Variants in RILPL1 observed in about 807,000 individuals in gnomAD.
RILPL1 encodes the protein RILP-like protein 1.
In RILPL1, 33 loss-of-function variants were observed where a neutral mutation model predicts 50.3. The ratio of observed to expected loss-of-function variants is 0.66; its 90% CI spans 0.50 to 0.88. The LOEUF is 0.88. Ranked by LOEUF, RILPL1 falls within the 40% of genes least tolerant of loss-of-function variation. RILPL1 has a pLI of 0.00. For missense variants in RILPL1, 418 were observed against 542.5 expected (o/e 0.77, Z 2.28); for synonymous variants, 205 against 228.6 (o/e 0.90, Z 0.93).
intron 2 of RILPL1, among the ~76,000 whole-genome samples, chr12:123,521,001 C>A (rs1198888825): frequency 6.6e-6 from 1 of 152,194 alleles, no homozygotes; most frequent in Non-Finnish European, 1.5e-5. Context: ...TTCAGCTGAT[C>A]TGGGTTCACT....
intron 1 of RILPL1, among the ~76,000 whole-genome samples, chr12:123,528,017 T>A (rs1885319921): frequency 6.6e-6 from 1 of 152,158 alleles, no homozygotes; most frequent in Admixed American, 6.5e-5. Context: ...CACATATGCC[T>A]CCATAATACT....
rs758103130 is a variant in RILPL1 at position 123,472,601 on chromosome 12, C to T, written c.1149G>A (p.Trp383Ter). 1.9e-6 allele frequency: 3 copies of T among 1,573,590 alleles called. No individual in the cohort carries two copies. The South Asian group carries it at 3.5e-5, about 18-fold the overall frequency. The change falls in exon 7 of 7, where the codon TGG becomes TGA. Residue 383 changes from tryptophan to a stop codon, truncating the protein, a stop_gained. Coordinates refer to ENST00000376874, the MANE Select transcript of RILPL1 (RefSeq NM_178314.5). LOFTEE classifies it high-confidence loss of function. ...NVHIQESFGQ[W>*]ANTHRDDGYT... ...AACCGTCATCGCGGTGGGTGTTTGC[C>T]CACTGTCCAAAGGACTCCTGGATGT...
intron 2 of RILPL1, among the ~76,000 whole-genome samples, chr12:123,517,669 G>A (rs187078976): frequency 9.2e-5 from 14 of 152,114 alleles, no homozygotes; most frequent in African/African-American, 3.1e-4. Context: ...TGATCCACCC[G>A]CCTCAGCCTC....
chr12:123,514,959 C>T (rs929136394), intron 2 of RILPL1, among the ~76,000 whole-genome samples: 1 of 150,154 alleles, frequency 6.7e-6, no homozygotes, highest in African/African-American at 2.5e-5. Flanking sequence ...GAGACAGGGT[C>T]TTGCTCTGTT....
chr12:123,524,716 T>G, intron 1 of RILPL1, among the ~76,000 whole-genome samples: 1 of 152,196 alleles, frequency 6.6e-6, no homozygotes, highest in East Asian at 1.9e-4. Context: ...ATGTCTAATA[T>G]TGGCAAATCC....
intron 2 of RILPL1, among the ~76,000 whole-genome samples, chr12:123,502,224 A>C (rs78623288): frequency 0.13 from 19,737 of 152,282 alleles, 1,500 homozygotes; most frequent in Non-Finnish European, 0.17. Flanking sequence ...GGGTTACATA[A>C]TTGTTTTGAA....
At chr12:123,497,087 T>C (rs555526220) in intron 4 of RILPL1, among the ~76,000 whole-genome samples, 25 of 152,376 alleles carry the variant, frequency 1.6e-4, no homozygotes, top group Admixed American at 3.9e-4. Context: ...GTGATGTTTT[T>C]GCAGCTCATC....
At chr12:123,492,833 G>A (rs550404150) in intron 4 of RILPL1, among the ~76,000 whole-genome samples, 173 of 147,790 alleles carry the variant, frequency 1.2e-3, no homozygotes, top group African/African-American at 4.3e-3. Context: ...GATTAAGGGC[G>A]GTGCAAGATG....
intron 2 of RILPL1, among the ~76,000 whole-genome samples, chr12:123,512,912 ATG>A (rs1205934395): frequency 4.6e-5 from 3 of 64,576 alleles, no homozygotes; most frequent in Admixed American, 1.7e-4. Context: ...GAGTGCGTGT[ATG>A]TGTGTGGTGA....
intron 2 of RILPL1, chr12:123,519,243 C>T (rs1420799974): frequency 6.6e-6 from 1 of 151,906 alleles, no homozygotes; most frequent in Non-Finnish European, 1.5e-5. Context: ...CCTTTAGAGC[C>T]CAAAGATTTT....
Position 123,533,643 on chromosome 12 carries a change from C to A in RILPL1, c.-161G>T. The A allele has an allele frequency of 3.2e-6, 1 of 315,674 alleles. No individual in the cohort carries two copies. The highest frequency in any genetic ancestry group is 4.5e-6 in the Non-Finnish European group (1 of 220,982). 19.6% of individuals were successfully genotyped at this position (315,674 alleles called of 1,614,324 possible). ...GCGGGCAGCGGGCGGCGGGCGCGGG[C>A]GCGGGCACGGGCGGCGGCGCGGGGT... On this transcript the variant is annotated 5_prime_UTR_variant, in exon 1 of 7. Coordinates refer to ENST00000376874, the MANE Select transcript of RILPL1 (RefSeq NM_178314.5). The surrounding 1 kb of genome is among the most constrained non-coding windows in gnomAD (Gnocchi z 6.2).
chr12:123,527,133 A>G (rs910188500), intron 1 of RILPL1, among the ~76,000 whole-genome samples: 3 of 151,940 alleles, frequency 2.0e-5, no homozygotes, highest in African/African-American at 7.3e-5. Context: ...GAGTTTGAGA[A>G]CAGCCTGGGC....
chr12:123,476,429 A>G (rs1415338662), intron 6 of RILPL1, among the ~76,000 whole-genome samples: 3 of 149,400 alleles, frequency 2.0e-5, no homozygotes, highest in South Asian at 2.1e-4. Flanking sequence ...CAACAAGAGC[A>G]AAACTCCATC....
At chr12:123,483,831 G>A (rs566495102) in intron 6 of RILPL1, among the ~76,000 whole-genome samples, 3 of 152,134 alleles carry the variant, frequency 2.0e-5, no homozygotes, top group Non-Finnish European at 4.4e-5. Flanking sequence ...AGCTTCAGAT[G>A]CACAACCCAC....
chr12:123,530,502 A>G (rs1885407361), intron 1 of RILPL1, among the ~76,000 whole-genome samples: 1 of 152,158 alleles, frequency 6.6e-6, no homozygotes, highest in African/African-American at 2.4e-5. Context: ...GCAAAGCTGC[A>G]TAATATTTCT....
intron 2 of RILPL1, among the ~76,000 whole-genome samples, chr12:123,516,033 C>CAAAAAAAAAAAAAAAAAAAAA (rs749657516): frequency 2.2e-4 from 8 of 36,194 alleles, no homozygotes; most frequent in African/African-American, 2.8e-4. Flanking sequence ...GACTCTGTCT[C>CAAAAAAAAAAAAAAAAAAAAA]AAAAAAAAAA....
In RILPL1 at chr12:123,532,823, A is replaced by G. The variant is rs1024509425; in HGVS notation, c.309+351T>C. Among the ~76,000 whole-genome samples the G allele has an allele frequency of 3.8e-4, 57 of 151,620 alleles. 1 individual carries two copies. The highest frequency in any genetic ancestry group is 3.6e-3 in the Admixed American group (54 of 15,114). On this transcript the variant is annotated intron_variant, in intron 1 of 6. Transcript: ENST00000376874. ...AATAATATGTCTAAGCACTTAGCTT[A>G]TATGGTCCCATTTAATTCTTCTAAG...
At chr12:123,525,137 A>AAAT (rs1372913390) in intron 1 of RILPL1, among the ~76,000 whole-genome samples, 1 of 152,036 alleles carries the variant, frequency 6.6e-6, no homozygotes, top group African/African-American at 2.4e-5. Flanking sequence ...GTCTTGGAAA[A>AAAT]AATAATAATA....
intron 2 of RILPL1, among the ~76,000 whole-genome samples, chr12:123,503,113 C>T (rs1408421619): frequency 1.3e-5 from 2 of 150,910 alleles, no homozygotes; most frequent in Admixed American, 1.3e-4. Context: ...GTCTCGATCT[C>T]CTGACCTTGT....
Sources: allele counts gnomAD v4.1 joint callset (sites outside exome capture counted in the v4.1 genomes callset), GRCh38; gene constraint gnomAD v4.1.1; non-coding constraint Gnocchi (gnomAD v3.1); transcripts MANE v1.5; gene names NCBI Gene and HGNC (gene_info 2026-07-23, HGNC 2026-07-21).